The following SMCO2 variants were observed in gnomAD, a reference collection of about 807,000 sequenced individuals.
The protein encoded by SMCO2 is single-pass membrane protein with coiled-coil domains 2.
A neutral mutation model predicts 29.5 loss-of-function variants in SMCO2; 25 were observed. The ratio of observed to expected loss-of-function variants is 0.85; its 90% CI spans 0.62 to 1.18. The LOEUF (loss-of-function observed/expected upper bound fraction) is 1.18. Among genes scored for constraint, SMCO2 ranks in the 50% most tolerant of loss-of-function variants. The pLI, the probability that SMCO2 is intolerant of heterozygous loss-of-function variation, is 0.00. For missense variants in SMCO2, 348 were observed against 344.5 expected (o/e 1.01, Z -0.08); for synonymous variants, 117 against 123.3 (o/e 0.95, Z 0.34).
rs770789669 is a variant in SMCO2 at position 27,477,210 on chromosome 12, GTTTTTTTTTTTTT to G, written c.362+2310_362+2322del. The stretch of plus-strand genomic sequence containing the variant: ...TGGGTATAGTATTCTTGGCTGTCAG[GTTTTTTTTTTTTT>G]TTTTTTTTTTTTCCTCTCAGCACTT... On this transcript the variant is annotated intron_variant, in intron 4 of 7. Transcript: ENST00000298876. Among the ~76,000 whole-genome samples, 707 of 62,680 alleles carry G rather than the reference GTTTTTTTTTTTTT, an allele frequency of 0.011. 10 individuals are homozygous for G. In the Middle Eastern group the frequency reaches 0.14, roughly 12 times the overall value. 41.1% of individuals were successfully genotyped at this position (62,680 alleles called of 152,430 possible).
chr12:27,475,172 G>A (rs380953), intron 4 of SMCO2, among the ~76,000 whole-genome samples: 31,779 of 151,916 alleles, frequency 0.21, 6,146 homozygotes, highest in African/African-American at 0.5. Flanking sequence ...ATATATTTAA[G>A]CCTTCTCAGA....
At chr12:27,436,454 C>T in the SMCO2 span, among the ~76,000 whole-genome samples, 1 of 152,104 alleles carries the variant, frequency 6.6e-6, no homozygotes, top group East Asian at 1.9e-4. Flanking sequence ...CAGCCAGGAA[C>T]AATCCTTCCT....
intron 2 of SMCO2, among the ~76,000 whole-genome samples, chr12:27,471,779 T>G (rs1027325365): frequency 6.6e-6 from 1 of 152,180 alleles, no homozygotes; most frequent in Non-Finnish European, 1.5e-5. Flanking sequence ...ATCAAAAACT[T>G]TAATAGCACA....
chr12:27,493,530 C>T (rs926988732), intron 5 of SMCO2, among the ~76,000 whole-genome samples: 2 of 147,994 alleles, frequency 1.4e-5, no homozygotes, highest in Admixed American at 1.3e-4. Flanking sequence ...GAGACCTTGT[C>T]TCAAAAAAAA....
At chr12:27,454,366 T>C in the SMCO2 span, among the ~76,000 whole-genome samples, 1 of 152,180 alleles carries the variant, frequency 6.6e-6, no homozygotes, top group African/African-American at 2.4e-5. Context: ...TTCCCCTCAC[T>C]TGGCAATATA....
chr12:27,447,293 G>T, the SMCO2 span, among the ~76,000 whole-genome samples: 1 of 152,124 alleles, frequency 6.6e-6, no homozygotes, highest in Non-Finnish European at 1.5e-5. Context: ...CCCTGAAGAT[G>T]ATCTTGATCC....
chr12:27,426,330 TGAG>T, the SMCO2 span, among the ~76,000 whole-genome samples: 2,321 of 152,258 alleles, frequency 0.015, 66 homozygotes, highest in African/African-American at 0.053. Context: ...AAGAGTTACA[TGAG>T]GAGAGACAAC....
the SMCO2 span, chr12:27,424,009 AT>A: frequency 2.0e-5 from 3 of 152,244 alleles, no homozygotes; most frequent in Non-Finnish European, 4.4e-5. Flanking sequence ...AGAATGTAAA[AT>A]ATCACATTAA....
intron 4 of SMCO2, among the ~76,000 whole-genome samples, chr12:27,476,074 G>A (rs945065401): frequency 6.6e-6 from 1 of 152,082 alleles, no homozygotes; most frequent in Non-Finnish European, 1.5e-5. Flanking sequence ...GTTTTCATTT[G>A]TCTCAAGCAA....
intron 5 of SMCO2, among the ~76,000 whole-genome samples, chr12:27,490,771 A>G (rs1351433736): frequency 6.6e-6 from 1 of 152,066 alleles, no homozygotes; most frequent in Non-Finnish European, 1.5e-5. Flanking sequence ...TCTCTACAAA[A>G]AATTTAAAAA....
the SMCO2 span, among the ~76,000 whole-genome samples, chr12:27,453,325 A>T: frequency 0.017 from 2,566 of 152,258 alleles, 30 homozygotes; most frequent in Non-Finnish European, 0.028. Context: ...GAGCCTACTG[A>T]GATAAAAGCT....
At chr12:27,443,953 A>C in the SMCO2 span, among the ~76,000 whole-genome samples, 1 of 152,214 alleles carries the variant, frequency 6.6e-6, no homozygotes, top group Non-Finnish European at 1.5e-5. Flanking sequence ...GACATTCTTC[A>C]CAGAAAGAGA....
chr12:27,484,851 C>CAAA (rs35818629), intron 4 of SMCO2, among the ~76,000 whole-genome samples: 14 of 72,958 alleles, frequency 1.9e-4, no homozygotes, highest in Non-Finnish European at 2.7e-4. Context: ...GACTCCATCT[C>CAAA]AAAAAAAAAA....
chr12:27,498,771 T>C (rs945497185), intron 7 of SMCO2, among the ~76,000 whole-genome samples: 6 of 150,088 alleles, frequency 4.0e-5, no homozygotes, highest in African/African-American at 1.5e-4. Context: ...GGCAAATGAC[T>C]TGGATACACA....
chr12:27,464,785 G>A (rs1254135103), upstream of SMCO2, among the ~76,000 whole-genome samples: 1 of 150,080 alleles, frequency 6.7e-6, no homozygotes, highest in Non-Finnish European at 1.5e-5. Context: ...ACTTTGGGAG[G>A]CCGAGACGGG....
At chr12:27,477,420 CTT>C (rs1387821710) in intron 4 of SMCO2, among the ~76,000 whole-genome samples, 2 of 151,694 alleles carry the variant, frequency 1.3e-5, no homozygotes, top group East Asian at 1.9e-4. Context: ...TTGGAGAAGA[CTT>C]TTTTGATACA....
the SMCO2 span, among the ~76,000 whole-genome samples, chr12:27,445,678 C>T: frequency 6.6e-6 from 1 of 152,202 alleles, no homozygotes. Context: ...TCCACAGGGA[C>T]CCATGTGTCC....
the SMCO2 span, among the ~76,000 whole-genome samples, chr12:27,446,220 G>T: frequency 6.6e-6 from 1 of 152,140 alleles, no homozygotes; most frequent in African/African-American, 2.4e-5. Flanking sequence ...CCTTCTTAAT[G>T]TGTCCTCACA....
chr12:27,502,022 G>C lies in SMCO2; in HGVS notation c.783G>C (p.Arg261Ser). Residue 261 changes from arginine to serine, a missense_variant, in exon 8 of 8, where the codon AGG (arginine) becomes AGC (serine). Transcript: ENST00000298876. ...TTGGTGCTACATTTCTCTTTGAAAG[G>C]GTGCTTCTGAGAATGCTTGGGTGCC... is the stretch of plus-strand genomic sequence containing the variant. 1.9e-6 allele frequency: 3 copies of C among 1,547,998 alleles called. 1 individual carries two copies. The African/African-American group carries it at 4.2e-5, about 22-fold the overall frequency.
Sources: gnomAD v4.1 joint callset for allele counts (sites outside exome capture counted in the v4.1 genomes callset) on GRCh38, gnomAD v4.1.1 for gene constraint, MANE v1.5 for transcripts, NCBI Gene and HGNC (gene_info 2026-07-23, HGNC 2026-07-21) for gene names.